Variants in DOP1B observed in about 807,000 individuals in gnomAD.
DOP1B encodes the protein protein DOP1B.
DOP1B carries 174 observed loss-of-function variants against 233.5 expected under a neutral mutation model. The ratio of observed to expected loss-of-function variants is 0.75; its 90% CI spans 0.66 to 0.85. DOP1B has a LOEUF of 0.85. Among genes scored for constraint, DOP1B ranks in the 40% least tolerant of loss-of-function variants. The pLI, the probability that DOP1B is intolerant of heterozygous loss-of-function variation, is 0.00. For synonymous variants in DOP1B, 1,190 were observed against 1,185.6 expected (o/e 1.00, Z -0.08); for missense variants, 2,652 against 2,846.6 (o/e 0.93, Z 1.56).
chr21:36,189,615 C>A (rs2066207455), intron 2 of DOP1B, among the ~76,000 whole-genome samples: 1 of 152,090 alleles, frequency 6.6e-6, no homozygotes, highest in African/African-American at 2.4e-5. Flanking sequence ...GAGGCTGAGG[C>A]AGCAGAATCG....
At chr21:36,202,114 G>A (rs1385002667) in intron 4 of DOP1B, among the ~76,000 whole-genome samples, 1 of 152,144 alleles carries the variant, frequency 6.6e-6, no homozygotes, top group Non-Finnish European at 1.5e-5. Flanking sequence ...TTGAGCCTGC[G>A]AGGTGAAGGT....
rs1430668165 is a variant in DOP1B at position 36,278,210 on chromosome 21, G to T, written c.5824G>T (p.Ala1942Ser). ...YVFPYLRNHSAYNAPSFRAGA... is the reference protein window; with the variant it reads ...YVFPYLRNHSSYNAPSFRAGA... ...TTCTCTCTTCCCACTCCCACTCAGTGCCTACAATGCTCCCAGCTTCCGGGC... is the reference window on the plus strand; with the variant it reads ...TTCTCTCTTCCCACTCCCACTCAGTTCCTACAATGCTCCCAGCTTCCGGGC... The change falls in exon 30 of 37, where the codon GCC becomes TCC. Residue 1942 changes from alanine (A) to serine (S), a missense_variant and splice_region_variant. Coordinates refer to ENST00000691173, the MANE Select transcript of DOP1B (RefSeq NM_001320714.2). The T allele has an allele frequency of 6.2e-7, 1 of 1,613,988 alleles. No individual in the cohort carries two copies. The highest frequency in any genetic ancestry group is 8.5e-7 in the Non-Finnish European group (1 of 1,179,960).
intron 1 of DOP1B, among the ~76,000 whole-genome samples, chr21:36,160,551 C>A (rs932944376): frequency 6.7e-6 from 1 of 149,134 alleles, no homozygotes; most frequent in African/African-American, 2.5e-5. Flanking sequence ...AATCCCAGCT[C>A]ACTGTAACTT....
Position 36,214,173 on chromosome 21 carries a change from A to C in DOP1B, c.997A>C (p.Lys333Gln). 3 of 1,612,194 alleles carry C rather than the reference A, an allele frequency of 1.9e-6. No individual in the cohort carries two copies. The highest frequency in any genetic ancestry group is 2.5e-6 in the Non-Finnish European group (3 of 1,178,914). The change falls in exon 8 of 37, where the codon AAG becomes CAG. Residue 333 changes from lysine (K) to glutamine (Q), a missense_variant. Coordinates refer to ENST00000691173, the MANE Select transcript of DOP1B (RefSeq NM_001320714.2). ...GTCTTATTTTTTTGAAAAATACTCC[A>C]AGGATCTTTTAGTTGAGGTAAAGGA... ...QSSYFFEKYS[K>Q]DLLVEGLAEI...
intron 2 of DOP1B, among the ~76,000 whole-genome samples, chr21:36,167,377 G>T (rs1201480470): frequency 6.6e-6 from 1 of 152,104 alleles, no homozygotes; most frequent in Non-Finnish European, 1.5e-5. Context: ...GTTTCACCAT[G>T]TTGGCCAGGC....
intron 2 of DOP1B, among the ~76,000 whole-genome samples, chr21:36,194,582 GT>G (rs772008068): frequency 1.4e-4 from 21 of 149,256 alleles, no homozygotes; most frequent in Non-Finnish European, 2.8e-4. Context: ...CACCTCCCAG[GT>G]TCCAGTGATT....
intron 22 of DOP1B, among the ~76,000 whole-genome samples, chr21:36,252,825 C>T (rs1036455969): frequency 2.7e-4 from 41 of 152,282 alleles, no homozygotes; most frequent in African/African-American, 9.6e-4. Flanking sequence ...GTATTTTGCC[C>T]GTTCTTTATC....
At chr21:36,257,014 C>T (rs1440457027) in intron 23 of DOP1B, among the ~76,000 whole-genome samples, 3 of 152,190 alleles carry the variant, frequency 2.0e-5, no homozygotes, top group Admixed American at 1.3e-4. Context: ...GTCTGGGCCT[C>T]TGGAACTTCT....
intron 1 of DOP1B, among the ~76,000 whole-genome samples, chr21:36,162,973 TAAA>T (rs2065881140): frequency 1.3e-5 from 2 of 151,968 alleles, no homozygotes; most frequent in South Asian, 2.1e-4. Context: ...CTAGGCTGCT[TAAA>T]GAAGTGGTCT....
chr21:36,191,258 A>G (rs2066231077), intron 2 of DOP1B, among the ~76,000 whole-genome samples: 1 of 90,784 alleles, frequency 1.1e-5, no homozygotes, highest in Non-Finnish European at 2.2e-5. Flanking sequence ...CAAGTCAGAA[A>G]AAAAAAAAAA....
At chr21:36,170,971 G>C (rs534496392) in intron 2 of DOP1B, among the ~76,000 whole-genome samples, 1 of 152,330 alleles carries the variant, frequency 6.6e-6, no homozygotes, top group East Asian at 1.9e-4. Context: ...AGGTGATGCT[G>C]TCAGTCCCTA....
rs1051710782 is a variant in DOP1B at position 36,230,860 on chromosome 21, C to T, written c.2076C>T (p.Phe692=). The T allele has an allele frequency of 6.2e-7, 1 of 1,613,978 alleles. No individual in the cohort carries two copies. Among genetic ancestry groups the T allele is most frequent in the Non-Finnish European group, 8.5e-7 (1 of 1,179,996 alleles). The change falls in exon 14 of 37, where the codon TTC becomes TTT. Residue 692 remains phenylalanine (F), a synonymous_variant. Transcript: ENST00000691173. ...WEPKPITVPQ[F]KQMLSDLFTA... ...CCAAGCCCATCACTGTGCCTCAGTT[C>T]AAGCAGATGCTGTCAGACTTGTTCA...
At chr21:36,275,578 C>G (rs977061793) in intron 27 of DOP1B, among the ~76,000 whole-genome samples, 84 of 149,620 alleles carry the variant, frequency 5.6e-4, no homozygotes, top group African/African-American at 2.0e-3. Context: ...AAGATTGCAC[C>G]ACTGTACTCC....
chr21:36,232,759 A>G, intron 14 of DOP1B, 45 bp from the exon 15 acceptor site: 1 of 1,608,582 alleles, frequency 6.2e-7, no homozygotes, highest in Non-Finnish European at 8.5e-7. Context: ...ACCCATTCTC[A>G]CGTGGTTCTG....
At position 36,192,016 on chromosome 21, in the gene DOP1B, G is replaced by A. The variant is rs78923541; in HGVS notation, c.139-7054G>A. On this transcript the variant is annotated intron_variant, in intron 2 of 36. Coordinates refer to ENST00000691173, the MANE Select transcript of DOP1B (RefSeq NM_001320714.2). ...TCATCCTCCCAAACAGAAACTTCCAGATGGAGTCCTACCGAATTGCCCAGG... is the reference window on the plus strand; with the variant it reads ...TCATCCTCCCAAACAGAAACTTCCAAATGGAGTCCTACCGAATTGCCCAGG... Among the ~76,000 whole-genome samples, 427 of 152,128 alleles carry A rather than the reference G, an allele frequency of 2.8e-3. 1 individual carries two copies. The highest frequency in any genetic ancestry group is 9.9e-3 in the African/African-American group (411 of 41,514).
At chr21:36,226,298 T>C (rs112994591) in intron 12 of DOP1B, among the ~76,000 whole-genome samples, 2,839 of 125,808 alleles carry the variant, frequency 0.023, 90 homozygotes, top group African/African-American at 0.11. Flanking sequence ...CTCTCTCTCT[T>C]TTTTTTTTTT....
chr21:36,213,382 G>A (rs1176258110), intron 7 of DOP1B, among the ~76,000 whole-genome samples: 1 of 152,104 alleles, frequency 6.6e-6, no homozygotes, highest in Non-Finnish European at 1.5e-5. Context: ...CCATGAGGAT[G>A]CACTTTCTTG....
At position 36,280,307 on chromosome 21, in the gene DOP1B, C is replaced by A; in HGVS notation, c.5992C>A (p.Leu1998Ile). ...CAGTTGGAAGTCCATTATTGACCAT[C>A]TTTTGACTCATGAGAAAACAATGTT... ...CVHWKSIIDH[L>I]LTHEKTMFKD... Residue 1998 changes from leucine to isoleucine, a missense_variant, in exon 31 of 37, where the codon CTT becomes ATT. By Grantham distance (5) the Leu-to-Ile change is conservative (BLOSUM62 2). Coordinates refer to ENST00000691173, the MANE Select transcript of DOP1B (RefSeq NM_001320714.2). 1 of 1,609,438 alleles carries A rather than the reference C, an allele frequency of 6.2e-7. No homozygotes were observed. Among genetic ancestry groups the A allele is most frequent in the Non-Finnish European group, 8.5e-7 (1 of 1,177,520 alleles).
chr21:36,289,283 T>C (rs1397518545), intron 35 of DOP1B, 77 bp downstream of exon 35: 2 of 1,464,896 alleles, frequency 1.4e-6, no homozygotes, highest in Non-Finnish European at 1.9e-6. Context: ...TCACTTGTTT[T>C]TCATGTACAG....
Sources: gnomAD v4.1 joint callset for allele counts (sites outside exome capture counted in the v4.1 genomes callset) on GRCh38, gnomAD v4.1.1 for gene constraint, MANE v1.5 for transcripts, NCBI Gene and HGNC (gene_info 2026-07-23, HGNC 2026-07-21) for gene names.